TMEM117: variants seen among roughly 807,000 people sequenced by gnomAD.
TMEM117 encodes transmembrane protein 117.
A neutral mutation model predicts 52.4 loss-of-function variants in TMEM117; 27 were observed. That is an observed-to-expected ratio of 0.51 (90% CI 0.38 to 0.71). TMEM117 has a LOEUF of 0.71. Among genes scored for constraint, TMEM117 ranks in the 30% least tolerant of loss-of-function variants. The pLI, the probability that TMEM117 is intolerant of heterozygous loss-of-function variation, is 0.00. For synonymous variants in TMEM117, 215 were observed against 206.3 expected, an observed-to-expected ratio of 1.04 and a Z score of -0.36; for missense variants, 556 against 630.5, an observed-to-expected ratio of 0.88 and a Z score of 1.26.
At chr12:44,152,792 AAT>A (rs1426391850) in intron 4 of TMEM117, among the ~76,000 whole-genome samples, 2 of 141,158 alleles carry the variant, frequency 1.4e-5, no homozygotes, top group African/African-American at 5.2e-5. Context: ...GTGTCACATA[AAT>A]ATATATACAT....
intron 3 of TMEM117, among the ~76,000 whole-genome samples, chr12:44,068,867 T>A (rs1241401001): frequency 6.6e-6 from 1 of 152,264 alleles, no homozygotes; most frequent in Admixed American, 6.5e-5. Flanking sequence ...TGTAGCACAA[T>A]GAAGTAAAGC....
chr12:44,253,877 C>CACACACA (rs1950224666), intron 5 of TMEM117, among the ~76,000 whole-genome samples: 3 of 148,378 alleles, frequency 2.0e-5, no homozygotes, highest in Non-Finnish European at 3.0e-5. Context: ...CACACACACA[C>CACACACA]CTTCTCTCTC....
intron 4 of TMEM117, among the ~76,000 whole-genome samples, chr12:44,152,103 A>G (rs1407806048): frequency 1.8e-5 from 2 of 112,832 alleles, no homozygotes; most frequent in African/African-American, 3.8e-5. Context: ...ATAAATATAT[A>G]ATATATAATA....
rs531921859 is a variant in TMEM117 at position 44,063,236 on chromosome 12, G to A, written c.411-80289G>A. On this transcript the variant is annotated intron_variant, in intron 3 of 7. Coordinates refer to ENST00000266534, the MANE Select transcript of TMEM117 (RefSeq NM_032256.3). ...TTCAATGTAGAATTATTTCTGTTTT[G>A]AAGCTAGAAGATGTTTTCAAAGAGT... 3.9e-5 allele frequency among the ~76,000 whole-genome samples: 6 copies of A among 152,262 alleles called. No individual in the cohort carries two copies. The South Asian group carries it at 1.2e-3, about 32-fold the overall frequency.
intron 5 of TMEM117, among the ~76,000 whole-genome samples, chr12:44,254,266 A>C (rs993404126): frequency 6.6e-6 from 1 of 152,056 alleles, no homozygotes; most frequent in Non-Finnish European, 1.5e-5. Flanking sequence ...CATGCTAGAA[A>C]GTTGTTTTTA....
intron 3 of TMEM117, among the ~76,000 whole-genome samples, chr12:43,945,722 T>C (rs950688052): frequency 6.6e-6 from 1 of 152,232 alleles, no homozygotes; most frequent in Non-Finnish European, 1.5e-5. Flanking sequence ...TTGTTGTGTG[T>C]TGAAATAGTT....
chr12:44,314,283 T>C (rs553737641), intron 6 of TMEM117, among the ~76,000 whole-genome samples: 2 of 152,250 alleles, frequency 1.3e-5, no homozygotes, highest in East Asian at 3.9e-4. Context: ...CAAGGGCTTA[T>C]TTGTTGAGGT....
intron 3 of TMEM117, among the ~76,000 whole-genome samples, chr12:44,117,938 A>C (rs1416575149): frequency 6.6e-6 from 1 of 151,924 alleles, no homozygotes; most frequent in Non-Finnish European, 1.5e-5. Context: ...AAATAATTTT[A>C]TTTTTGTAAA....
In TMEM117 at chr12:44,214,753, A is replaced by T. The variant is rs189299063; in HGVS notation, c.608+3366A>T. Among the ~76,000 whole-genome samples, 66 of 152,230 alleles carry T rather than the reference A, an allele frequency of 4.3e-4. 1 individual carries two copies. In the East Asian group the frequency reaches 7.7e-3, roughly 18 times the overall value. On this transcript the variant is annotated intron_variant, in intron 5 of 7. Coordinates refer to ENST00000266534, the MANE Select transcript of TMEM117 (RefSeq NM_032256.3). ...AGAACAATTTAAATGCCACTTTAAA[A>T]TTTTTTTCCATTTTATCCATTTCTA...
At chr12:44,120,885 T>A (rs943156183) in intron 3 of TMEM117, among the ~76,000 whole-genome samples, 2 of 152,260 alleles carry the variant, frequency 1.3e-5, no homozygotes, top group Non-Finnish European at 2.9e-5. Context: ...GTCATTTCAA[T>A]TAAAGATTTT....
chr12:44,242,744 T>C (rs1950078846), intron 5 of TMEM117, among the ~76,000 whole-genome samples: 1 of 148,260 alleles, frequency 6.7e-6, no homozygotes, highest in African/African-American at 2.5e-5. Context: ...TATATTATAG[T>C]CTATCTATAT....
chr12:44,183,195 A>G (rs1949230014), intron 4 of TMEM117, among the ~76,000 whole-genome samples: 1 of 152,170 alleles, frequency 6.6e-6, no homozygotes, highest in Non-Finnish European at 1.5e-5. Flanking sequence ...TAGGATAATT[A>G]TTATCTAATG....
At chr12:43,805,647 A>C in the TMEM117 span, 3 of 589,624 alleles carry the variant, frequency 5.1e-6, no homozygotes, top group Non-Finnish European at 8.6e-6. Flanking sequence ...TCTAGGAAAA[A>C]GATCAAAACA....
At chr12:44,153,573 G>A (rs547663300) in intron 4 of TMEM117, among the ~76,000 whole-genome samples, 1 of 151,884 alleles carries the variant, frequency 6.6e-6, no homozygotes, top group East Asian at 1.9e-4. Context: ...ATTCCCTTTT[G>A]ATAAAGATGG....
intron 6 of TMEM117, among the ~76,000 whole-genome samples, chr12:44,347,788 C>T (rs1351135756): frequency 6.6e-6 from 1 of 151,886 alleles, no homozygotes; most frequent in Non-Finnish European, 1.5e-5. Context: ...CTAACTGTAC[C>T]CTGTCATCAG....
At chr12:43,797,228 A>C in the TMEM117 span, 71,321 of 1,492,610 alleles carry the variant, frequency 0.048, 2,041 homozygotes, top group Middle Eastern at 0.14. Context: ...TGGGCAAGAA[A>C]TAAGTAAGAA....
At chr12:43,871,782 A>C (rs929474722) in intron 2 of TMEM117, among the ~76,000 whole-genome samples, 5 of 152,236 alleles carry the variant, frequency 3.3e-5, no homozygotes, top group African/African-American at 1.2e-4. Context: ...GTATTTTTCA[A>C]ACATTATTGA....
rs182415627 is a variant in TMEM117, at chr12:44,150,489, G to A, written c.510+6865G>A. On this transcript the variant is annotated intron_variant, in intron 4 of 7. Transcript: ENST00000266534. ...CATCGCACAGACAAAACCCAAGGAC[G>A]GCAGATTTAGTGGCACCCACACTTG... Among the ~76,000 whole-genome samples, 55 of 152,192 alleles carry A rather than the reference G, an allele frequency of 3.6e-4. No individual in the cohort carries two copies. The East Asian group carries it at 8.9e-3, about 25-fold the overall frequency.
At chr12:44,258,531 T>C (rs1435120674) in intron 5 of TMEM117, among the ~76,000 whole-genome samples, 1 of 152,206 alleles carries the variant, frequency 6.6e-6, no homozygotes, top group South Asian at 2.1e-4. Context: ...TTTTGACATT[T>C]CTGTTATTTA....
Sources: allele counts gnomAD v4.1 joint callset (sites outside exome capture counted in the v4.1 genomes callset), GRCh38; gene constraint gnomAD v4.1.1; transcripts MANE v1.5; gene names NCBI Gene and HGNC (gene_info 2026-07-23, HGNC 2026-07-21).